LINGO2: variants seen among roughly 807,000 people sequenced by gnomAD.
LINGO2 encodes the protein leucine rich repeat and Ig domain containing 2, also known as leucine-rich repeat and immunoglobulin-like domain-containing nogo receptor-interacting protein 2.
A neutral mutation model predicts 30.6 loss-of-function variants in LINGO2; 14 were observed. That is an observed-to-expected ratio of 0.46 (90% CI 0.30 to 0.72). The LOEUF is 0.72. Ranked by LOEUF, LINGO2 falls within the 30% of genes least tolerant of loss-of-function variation. LINGO2 has a pLI of 0.07. For missense variants in LINGO2, 729 were observed against 751.7 expected, an observed-to-expected ratio of 0.97 and a Z score of 0.35; for synonymous variants, 317 against 288.5, an observed-to-expected ratio of 1.10 and a Z score of -1.00.
At chr9:28,861,432 A>T in the LINGO2 span, among the ~76,000 whole-genome samples, 2 of 145,736 alleles carry the variant, frequency 1.4e-5, no homozygotes, top group East Asian at 3.9e-4. Context: ...TCATTTAAAC[A>T]TATCTATTCT....
At position 28,396,086 on chromosome 9, in the gene LINGO2, T is replaced by C. The variant is rs1235278958; in HGVS notation, c.-278-23218A>G. Among the ~76,000 whole-genome samples the C allele has an allele frequency of 6.6e-5, 10 of 152,208 alleles. No individual in the cohort carries two copies. The East Asian group carries it at 1.7e-3, about 27-fold the overall frequency. On this transcript the variant is annotated intron_variant, in intron 2 of 5. Transcript: ENST00000379992. ...CAGAAAACTCAGGGTTCCATACAAC[T>C]AGTTATGGGGCACTTCATTTCTGAG... is the stretch of plus-strand genomic sequence containing the variant.
At chr9:28,311,589 C>T (rs1824623059) in intron 3 of LINGO2, among the ~76,000 whole-genome samples, 1 of 152,134 alleles carries the variant, frequency 6.6e-6, no homozygotes, top group African/African-American at 2.4e-5. Flanking sequence ...GATATTTCTC[C>T]CATTTGCTTT....
intron 4 of LINGO2, among the ~76,000 whole-genome samples, chr9:28,017,352 G>T (rs780183236): frequency 6.6e-6 from 1 of 152,112 alleles, no homozygotes; most frequent in East Asian, 1.9e-4. Context: ...AATTAGGCAA[G>T]AGAAAGCGAT....
chr9:28,809,096 T>C, the LINGO2 span, among the ~76,000 whole-genome samples: 1 of 152,248 alleles, frequency 6.6e-6, no homozygotes, highest in African/African-American at 2.4e-5. Flanking sequence ...GAAGCTTTTC[T>C]TTAATTAAAA....
chr9:29,057,436 T>C, the LINGO2 span, among the ~76,000 whole-genome samples: 1 of 152,278 alleles, frequency 6.6e-6, no homozygotes, highest in Admixed American at 6.5e-5. Context: ...TATTGGCTCA[T>C]GCTAGTTAAT....
At chr9:28,566,905 A>G (rs1462073647) in intron 1 of LINGO2, among the ~76,000 whole-genome samples, 2 of 152,162 alleles carry the variant, frequency 1.3e-5, no homozygotes, top group African/African-American at 4.8e-5. Context: ...AAAGTTGCTA[A>G]CTTCTTTAAA....
At chr9:28,927,404 G>A in the LINGO2 span, among the ~76,000 whole-genome samples, 1 of 152,152 alleles carries the variant, frequency 6.6e-6, no homozygotes, top group African/African-American at 2.4e-5. Flanking sequence ...AGAAAACAGG[G>A]TAAGGTAAAC....
At chr9:28,246,667 C>T (rs2133994312) in intron 4 of LINGO2, among the ~76,000 whole-genome samples, 1 of 152,168 alleles carries the variant, frequency 6.6e-6, no homozygotes, top group East Asian at 1.9e-4. Context: ...AAAACCTAGG[C>T]AATACCATTC....
chr9:28,785,283 G>C, the LINGO2 span, among the ~76,000 whole-genome samples: 6 of 152,188 alleles, frequency 3.9e-5, no homozygotes, highest in East Asian at 9.7e-4. Context: ...ATGACATCAA[G>C]GCATCATTGA....
At chr9:28,174,103 G>T (rs899407775) in intron 4 of LINGO2, among the ~76,000 whole-genome samples, 82 of 152,110 alleles carry the variant, frequency 5.4e-4, no homozygotes, top group African/African-American at 1.8e-3. Context: ...CAGAATAATG[G>T]GAAAATGCAT....
chr9:28,434,832 G>T (rs1437666093), intron 2 of LINGO2, among the ~76,000 whole-genome samples: 1 of 151,892 alleles, frequency 6.6e-6, no homozygotes, highest in Admixed American at 6.6e-5. Context: ...TTTTTAAAAG[G>T]TTTATTGACT....
At chr9:28,230,868 G>A (rs756671960) in intron 4 of LINGO2, among the ~76,000 whole-genome samples, 30 of 151,826 alleles carry the variant, frequency 2.0e-4, no homozygotes, top group Non-Finnish European at 3.8e-4. Flanking sequence ...AAATGTTGAC[G>A]TCACAGTTTT....
intron 5 of LINGO2, among the ~76,000 whole-genome samples, chr9:27,976,264 A>G (rs933828329): frequency 3.3e-5 from 5 of 152,080 alleles, no homozygotes; most frequent in African/African-American, 1.2e-4. Flanking sequence ...TTAACAAGCT[A>G]TTAGTGTAGA....
the LINGO2 span, among the ~76,000 whole-genome samples, chr9:29,190,023 C>G: frequency 3.3e-5 from 1 of 30,516 alleles, no homozygotes. Context: ...AGAGGGAGAC[C>G]GTGGGGAGGG....
At chr9:28,792,191 C>T in the LINGO2 span, among the ~76,000 whole-genome samples, 2 of 151,612 alleles carry the variant, frequency 1.3e-5, no homozygotes, top group Non-Finnish European at 2.9e-5. Flanking sequence ...TTTTAAGGAA[C>T]CGATTCATGC....
intron 4 of LINGO2, among the ~76,000 whole-genome samples, chr9:28,036,075 A>C (rs1823920731): frequency 6.6e-6 from 1 of 152,210 alleles, no homozygotes; most frequent in African/African-American, 2.4e-5. Context: ...AATGCCAAGA[A>C]AGTGTTAAAG....
At chr9:28,951,509 G>C in the LINGO2 span, among the ~76,000 whole-genome samples, 1 of 152,046 alleles carries the variant, frequency 6.6e-6, no homozygotes, top group Non-Finnish European at 1.5e-5. Context: ...TCTGCCTACC[G>C]ATTTTTCAAA....
chr9:28,937,789 CT>C, the LINGO2 span, among the ~76,000 whole-genome samples: 12 of 151,456 alleles, frequency 7.9e-5, no homozygotes, highest in African/African-American at 2.4e-4. Context: ...GATCATTTTT[CT>C]TTTTTTTTCC....
At chr9:28,936,558 G>C in the LINGO2 span, among the ~76,000 whole-genome samples, 1 of 152,114 alleles carries the variant, frequency 6.6e-6, no homozygotes, top group Admixed American at 6.6e-5. Flanking sequence ...ACATGCAACC[G>C]AACTACATTA....
Sources: allele counts gnomAD v4.1 joint callset (sites outside exome capture counted in the v4.1 genomes callset), GRCh38; gene constraint gnomAD v4.1.1; transcripts MANE v1.5; gene names NCBI Gene and HGNC (gene_info 2026-07-23, HGNC 2026-07-21).